The following CLIC5 variants were observed in gnomAD, a reference collection of about 807,000 sequenced individuals.
CLIC5 encodes the protein CLIC family member 5.
A neutral mutation model predicts 24.7 loss-of-function variants in CLIC5; 20 were observed. The observed-to-expected ratio is 0.81, with a 90% CI of 0.57 to 1.18. The LOEUF (loss-of-function observed/expected upper bound fraction) is 1.18, where lower values mean the gene tolerates loss of function less well. Ranked by LOEUF, CLIC5 falls within the 50% of genes most tolerant of loss-of-function variation. The pLI is 0.00. For synonymous variants in CLIC5, 159 were observed against 135.6 expected (o/e 1.17, Z -1.20); for missense variants, 341 against 326.1 (o/e 1.05, Z -0.35).
At chr6:45,962,593 T>A (rs937934477) in intron 1 of CLIC5, among the ~76,000 whole-genome samples, 2 of 152,100 alleles carry the variant, frequency 1.3e-5, no homozygotes, top group African/African-American at 4.8e-5. Context: ...CCATTACACC[T>A]GGCATATTTA....
intron 1 of CLIC5, among the ~76,000 whole-genome samples, chr6:46,050,158 T>A (rs1768063793): frequency 6.6e-6 from 1 of 152,190 alleles, no homozygotes; most frequent in Non-Finnish European, 1.5e-5. Context: ...TCTCCATGTT[T>A]CTCTGTGTCC....
intron 1 of CLIC5, among the ~76,000 whole-genome samples, chr6:46,024,525 A>G (rs965250636): frequency 3.9e-5 from 6 of 152,186 alleles, no homozygotes; most frequent in African/African-American, 1.4e-4. Context: ...ACTGAGAGTA[A>G]AGCCAACAGA....
intron 1 of CLIC5, among the ~76,000 whole-genome samples, chr6:45,994,346 T>C (rs1171015169): frequency 6.6e-6 from 1 of 152,166 alleles, no homozygotes; most frequent in Non-Finnish European, 1.5e-5. Flanking sequence ...TGCAGGGACA[T>C]GGATGAAGCT....
chr6:45,970,455 CCCCA>C (rs1405320710), intron 1 of CLIC5, among the ~76,000 whole-genome samples: 1 of 152,110 alleles, frequency 6.6e-6, no homozygotes, highest in Non-Finnish European at 1.5e-5. Flanking sequence ...CTTTTGTAAT[CCCCA>C]GGCCAAAAGG....
intron 1 of CLIC5, among the ~76,000 whole-genome samples, chr6:45,993,201 C>T (rs1392670626): frequency 3.3e-5 from 5 of 152,202 alleles, no homozygotes; most frequent in African/African-American, 4.8e-5. Context: ...CAGAAAACAT[C>T]TAATTGTTCA....
At chr6:45,889,912 AAGTG>A (rs1377696277) in intron 6 of CLIC5, among the ~76,000 whole-genome samples, 5 of 152,192 alleles carry the variant, frequency 3.3e-5, no homozygotes, top group Non-Finnish European at 1.5e-5. Context: ...TAGACCAGTT[AAGTG>A]AGTTAGGTTG....
At chr6:46,091,432 C>CT in the CLIC5 span, among the ~76,000 whole-genome samples, 1 of 151,966 alleles carries the variant, frequency 6.6e-6, no homozygotes, top group Admixed American at 6.6e-5. Context: ...ACAGGATTTC[C>CT]TTTTTTTTAA....
At chr6:45,966,855 C>T (rs999114504) in intron 1 of CLIC5, among the ~76,000 whole-genome samples, 2 of 152,196 alleles carry the variant, frequency 1.3e-5, no homozygotes, top group African/African-American at 4.8e-5. Flanking sequence ...TCAATGCAGC[C>T]ATAAACAATG....
In CLIC5 at chr6:45,914,216, G is replaced by A. The variant is rs1449876317; in HGVS notation, c.588+12C>T. 1.3e-6 allele frequency: 2 copies of A among 1,558,548 alleles called. No homozygotes were observed. Among genetic ancestry groups the A allele is most frequent in the African/African-American group, 1.4e-5 (1 of 73,760 alleles). ...TGGATCTTGCAGGCCCCTGTGGGTA[G>A]AGCTCTCTTACCTTGACCACATGGA... On this transcript the variant is annotated intron_variant, in intron 5 of 5. Transcript: ENST00000339561.
chr6:45,907,748 C>T lies in CLIC5; in HGVS notation c.589-4493G>A, dbSNP rs116043364. Among the ~76,000 whole-genome samples the T allele has an allele frequency of 3.7e-3, 564 of 152,228 alleles. 7 individuals are homozygous for T. The highest frequency in any genetic ancestry group is 0.013 in the African/African-American group (529 of 41,540). ...GGTTTCAATTTCTTCCCAATTCAATCTTGGAATATTGACTTTGTATACTGA... is the reference window on the plus strand; with the variant it reads ...GGTTTCAATTTCTTCCCAATTCAATTTTGGAATATTGACTTTGTATACTGA... On this transcript the variant is annotated intron_variant, in intron 5 of 5. Transcript: ENST00000339561.
the CLIC5 span, among the ~76,000 whole-genome samples, chr6:46,093,573 G>A: frequency 2.2e-4 from 34 of 152,244 alleles, no homozygotes; most frequent in East Asian, 4.6e-3. Flanking sequence ...AAACTACAAT[G>A]AGATCCCACT....
intron 5 of CLIC5, among the ~76,000 whole-genome samples, chr6:45,906,564 C>CTTTT (rs35362216): frequency 2.3e-4 from 33 of 141,702 alleles, no homozygotes; most frequent in African/African-American, 8.3e-4. Context: ...TGTACATTGA[C>CTTTT]TTTTTTTTTT....
intron 1 of CLIC5, among the ~76,000 whole-genome samples, chr6:46,034,955 T>C (rs1767620658): frequency 6.6e-6 from 1 of 152,210 alleles, no homozygotes. Context: ...ATAGTTTCCT[T>C]ATCTGTAAAT....
At chr6:46,077,960 C>T (rs1213602408) in intron 1 of CLIC5, among the ~76,000 whole-genome samples, 1 of 152,064 alleles carries the variant, frequency 6.6e-6, no homozygotes, top group Non-Finnish European at 1.5e-5. Flanking sequence ...GAAATAATGT[C>T]AGATGGGTCC....
At chr6:45,982,347 G>C (rs1242103800) in intron 1 of CLIC5, among the ~76,000 whole-genome samples, 1 of 152,032 alleles carries the variant, frequency 6.6e-6, no homozygotes, top group African/African-American at 2.4e-5. Context: ...TCCTTTCAGT[G>C]GATGAGTTCA....
At chr6:46,087,687 T>A in the CLIC5 span, among the ~76,000 whole-genome samples, 1 of 152,064 alleles carries the variant, frequency 6.6e-6, no homozygotes, top group Non-Finnish European at 1.5e-5. Flanking sequence ...CTCTAGAACC[T>A]CCAGTATAGA....
chr6:45,936,360 A>G (rs539925537), intron 4 of CLIC5, among the ~76,000 whole-genome samples: 3 of 152,024 alleles, frequency 2.0e-5, no homozygotes, highest in African/African-American at 7.2e-5. Context: ...GCTTGTCACC[A>G]TACCCTGCTA....
At chr6:45,919,527 C>T (rs1210722758) in intron 4 of CLIC5, among the ~76,000 whole-genome samples, 1 of 152,078 alleles carries the variant, frequency 6.6e-6, no homozygotes, top group Non-Finnish European at 1.5e-5. Context: ...TCCCCAACTC[C>T]CCTGTGCTAG....
chr6:45,912,830 T>A, intron 5 of CLIC5: 1 of 905,576 alleles, frequency 1.1e-6, no homozygotes, highest in Non-Finnish European at 1.7e-6. Context: ...TACAAGTGAC[T>A]ATTGGCTTGG....
Sources: allele counts gnomAD v4.1 joint callset (sites outside exome capture counted in the v4.1 genomes callset), GRCh38; gene constraint gnomAD v4.1.1; transcripts MANE v1.5; gene names NCBI Gene and HGNC (gene_info 2026-07-23, HGNC 2026-07-21).